Variants in RGMA observed in about 807,000 individuals in gnomAD.
RGMA encodes the protein repulsive guidance molecule BMP co-receptor a.
RGMA carries 10 observed loss-of-function variants against 23.2 expected under a neutral mutation model. The ratio of observed to expected loss-of-function variants is 0.43; its 90% CI spans 0.27 to 0.73. The LOEUF (loss-of-function observed/expected upper bound fraction) is 0.73. Ranked by LOEUF, RGMA falls within the 30% of genes least tolerant of loss-of-function variation. RGMA has a pLI of 0.20. For synonymous variants in RGMA, 308 were observed against 279.3 expected (o/e 1.10, Z -1.03); for missense variants, 547 against 630.5 (o/e 0.87, Z 1.42).
chr15:93,070,921 T>A (rs1410354406), intron 2 of RGMA, among the ~76,000 whole-genome samples: 1 of 152,216 alleles, frequency 6.6e-6, no homozygotes, highest in Non-Finnish European at 1.5e-5. Context: ...AATAAAAGTT[T>A]TTAGGATGGA....
At position 93,045,164 on chromosome 15, in the gene RGMA, T is replaced by C. The variant is rs1266564936; in HGVS notation, c.1187A>G (p.Tyr396Cys). 1.9e-6 allele frequency: 3 copies of C among 1,607,278 alleles called. No individual in the cohort carries two copies. The highest frequency in any genetic ancestry group is 1.1e-5 in the South Asian group (1 of 89,844). ...GDVNFTLAAY[Y>C]ALEDVKMLHS... ...GAGCATCTTGACATCCTCCAACGCG[T>C]AGTAGGCGGCCAGTGTGAAGTTCAC... is the stretch of plus-strand genomic sequence containing the variant. Residue 396 changes from tyrosine (Y) to cysteine (C), a missense_variant, in exon 4 of 4, where the codon TAC (tyrosine) becomes TGC (cysteine). Around this residue, in one of 3 missense-constraint regions of RGMA, gnomAD observed 205 missense variants for 204.1 expected, o/e 1.00. Transcript: ENST00000329082. The surrounding 1 kb of genome is among the most constrained non-coding windows in gnomAD (Gnocchi z 6.9).
At chr15:93,080,635 C>A (rs1895544218) in intron 1 of RGMA, among the ~76,000 whole-genome samples, 1 of 152,206 alleles carries the variant, frequency 6.6e-6, no homozygotes, top group Admixed American at 6.5e-5. Flanking sequence ...TCTGTGCTCC[C>A]TTTGACCTCT....
intron 3 of RGMA, among the ~76,000 whole-genome samples, chr15:93,050,623 T>C (rs547477108): frequency 6.6e-6 from 1 of 152,264 alleles, no homozygotes; most frequent in South Asian, 2.1e-4. Context: ...CCATCCATAA[T>C]GGGGGCAGCA....
chr15:93,077,959 C>T (rs1895499074), intron 1 of RGMA, among the ~76,000 whole-genome samples: 1 of 152,230 alleles, frequency 6.6e-6, no homozygotes, highest in South Asian at 2.1e-4. Flanking sequence ...CTGCCTGTCT[C>T]TGCCGCACAA....
At chr15:93,064,980 A>AT (rs200573689) in intron 2 of RGMA, among the ~76,000 whole-genome samples, 195 of 144,098 alleles carry the variant, frequency 1.4e-3, no homozygotes, top group Admixed American at 1.3e-3. Flanking sequence ...CCACATGGTA[A>AT]TTTTTTTTTT....
rs2054712887 is a variant in RGMA at position 93,040,696 on chromosome 15, A to G, written c.*4302T>C. On this transcript the variant is annotated 3_prime_UTR_variant, in exon 4 of 4. Transcript: ENST00000329082. ...TGTGGTTTATTGCCTTGTCTTTCCA[A>G]TAAGAATGCACAGCAGTCTGTCTGG... 1 of 152,228 alleles carries G rather than the reference A, an allele frequency of 6.6e-6. No homozygotes were observed. The highest frequency in any genetic ancestry group is 1.5e-5 in the Non-Finnish European group (1 of 68,140). 9.4% of individuals were successfully genotyped at this position (152,228 alleles called of 1,614,324 possible).
At chr15:93,065,510 C>T in intron 2 of RGMA, 2 of 579,366 alleles carry the variant, frequency 3.5e-6, no homozygotes, top group East Asian at 4.0e-5. Context: ...GAACAGGGTA[C>T]TGGGTAGGGT....
intron 3 of RGMA, among the ~76,000 whole-genome samples, chr15:93,047,775 G>C (rs2054848695): frequency 6.6e-6 from 1 of 152,244 alleles, no homozygotes. Context: ...TCTCTGGGTA[G>C]AGGGCAATGC....
At position 93,089,003 on chromosome 15, in the gene RGMA, C is replaced by T. The variant is rs1247586936; in HGVS notation, c.-71G>A. 7.4e-6 allele frequency: 8 copies of T among 1,079,952 alleles called. No homozygotes were observed. Among genetic ancestry groups the T allele is most frequent in the Non-Finnish European group, 9.8e-6 (8 of 812,554 alleles). The allele number at this position is 1,079,952 out of a possible 1,614,324, so 66.9% of individuals were successfully genotyped here. A position where few individuals can be genotyped will look rare whatever the true frequency, so the allele number is the denominator to read the frequency against. ...GAAGAGGGGGTGTCGGGGCGCCGCT[C>T]GTCTGCCCCGGGGCAAGGTGGGAGG... On this transcript the variant is annotated 5_prime_UTR_variant, in exon 1 of 4. Transcript: ENST00000329082.
At position 93,043,458 on chromosome 15, in the gene RGMA, A is replaced by G. The variant is rs1395504249; in HGVS notation, c.*1540T>C. On this transcript the variant is annotated 3_prime_UTR_variant, in exon 4 of 4. Coordinates refer to ENST00000329082, the MANE Select transcript of RGMA (RefSeq NM_020211.3). ...TTTACTTGCATTTAGCCATTAATAA[A>G]TAATTTACAGTATGTACACGCGGTG... 3 of 152,564 alleles carry G rather than the reference A, an allele frequency of 2.0e-5. No individual in the cohort carries two copies. Among genetic ancestry groups the G allele is most frequent in the Non-Finnish European group, 4.4e-5 (3 of 68,058 alleles). 9.5% of individuals were successfully genotyped at this position (152,564 alleles called of 1,614,324 possible).
intron 1 of RGMA, among the ~76,000 whole-genome samples, chr15:93,084,065 T>G (rs1895599540): frequency 6.6e-6 from 1 of 152,236 alleles, no homozygotes; most frequent in African/African-American, 2.4e-5. Context: ...TTCAAGGTAC[T>G]AATTATTTTG....
intron 1 of RGMA, among the ~76,000 whole-genome samples, chr15:93,083,621 G>A (rs994354262): frequency 2.6e-5 from 4 of 152,170 alleles, no homozygotes; most frequent in African/African-American, 7.2e-5. Flanking sequence ...GAGCCACCAC[G>A]CCCAGCCAAG....
chr15:93,076,051 G>T (rs1396530546), intron 1 of RGMA, among the ~76,000 whole-genome samples: 1 of 152,174 alleles, frequency 6.6e-6, no homozygotes, highest in African/African-American at 2.4e-5. Flanking sequence ...CGTTAGATTT[G>T]AGAACTCAGC....
intron 1 of RGMA, among the ~76,000 whole-genome samples, chr15:93,085,835 G>C (rs921064690): frequency 6.6e-6 from 1 of 152,142 alleles, no homozygotes; most frequent in Admixed American, 6.5e-5. Flanking sequence ...CTCACAGGAC[G>C]GACCTGGCTA....
Position 93,038,569 on chromosome 15 carries a change from G to GTTGTTTTTTTTTTTTTTTTTTTT in RGMA, c.*6428_*6429insAAAAAAAAAAAAAAAAAAAACAA, listed in dbSNP as rs1471553159. On this transcript the variant is annotated 3_prime_UTR_variant, in exon 4 of 4. Coordinates refer to ENST00000329082, the MANE Select transcript of RGMA (RefSeq NM_020211.3). ...GCCTTAATGAACGAAACTGTTAGTTGTTTTTTTTTTTTTTTTGAGACGGTG... is the reference window on the plus strand; with the variant it reads ...GCCTTAATGAACGAAACTGTTAGTTGTTGTTTTTTTTTTTTTTTTTTTTTTTTTTTTTTTTTTTTGAGACGGTG... 3 of 100,224 alleles carry GTTGTTTTTTTTTTTTTTTTTTTT rather than the reference G, an allele frequency of 3.0e-5. No homozygotes were observed. Among genetic ancestry groups the GTTGTTTTTTTTTTTTTTTTTTTT allele is most frequent in the Non-Finnish European group, 7.0e-5 (3 of 42,826 alleles). 6.2% of individuals were successfully genotyped at this position (100,224 alleles called of 1,614,324 possible). A position where few individuals can be genotyped will look rare whatever the true frequency, so the allele number is the denominator to read the frequency against.
Position 93,084,017 on chromosome 15 carries a change from T to C in RGMA, c.14+4902A>G, listed in dbSNP as rs185058171. ...AACTAAAATGTAAATGAAAGCACAT[T>C]AGACACCAAAACTTCCAAACAAATG... is the stretch of plus-strand genomic sequence containing the variant. On this transcript the variant is annotated intron_variant, in intron 1 of 3. Coordinates refer to ENST00000329082, the MANE Select transcript of RGMA (RefSeq NM_020211.3). Among the ~76,000 whole-genome samples the C allele has an allele frequency of 1.9e-3, 294 of 152,342 alleles. 2 individuals are homozygous for C. The highest frequency in any genetic ancestry group is 6.9e-3 in the African/African-American group (286 of 41,584).
At chr15:93,072,250 A>G (rs1210296073) in intron 2 of RGMA, among the ~76,000 whole-genome samples, 1 of 152,354 alleles carries the variant, frequency 6.6e-6, no homozygotes, top group Non-Finnish European at 1.5e-5. Flanking sequence ...TGCCAAAAAC[A>G]TTGTGAAAAA....
rs1053749314 is a variant in RGMA, at chr15:93,045,946, T to C, written c.646-241A>G. Among the ~76,000 whole-genome samples, 2 of 152,120 alleles carry C rather than the reference T, an allele frequency of 1.3e-5. No individual in the cohort carries two copies. Among genetic ancestry groups the C allele is most frequent in the African/African-American group, 4.8e-5 (2 of 41,424 alleles). On this transcript the variant is annotated intron_variant, in intron 3 of 3. Transcript: ENST00000329082. The surrounding 1 kb of genome is among the most constrained non-coding windows in gnomAD (Gnocchi z 6.9). The stretch of plus-strand genomic sequence containing the variant: ...GTGACTTAGAAAAATGTTAGACCAC[T>C]ACCCTAAGTAGAAAACTAGCTCTTT...
intron 1 of RGMA, among the ~76,000 whole-genome samples, chr15:93,074,761 T>A (rs995752723): frequency 6.6e-6 from 1 of 152,226 alleles, no homozygotes; most frequent in Non-Finnish European, 1.5e-5. Context: ...TTCTGCAGCA[T>A]CACCGAACGG....
Sources: allele counts gnomAD v4.1 joint callset (sites outside exome capture counted in the v4.1 genomes callset), GRCh38; gene constraint gnomAD v4.1.1; regional missense constraint gnomAD v4.1.1; non-coding constraint Gnocchi (gnomAD v3.1); transcripts MANE v1.5; gene names NCBI Gene and HGNC (gene_info 2026-07-23, HGNC 2026-07-21).